The following RDH12 variants were observed in gnomAD, a reference collection of about 807,000 sequenced individuals.
RDH12 encodes the protein retinol dehydrogenase 12, also known as all-trans and 9-cis retinol dehydrogenase.
RDH12 carries 21 observed loss-of-function variants against 34.0 expected under a neutral mutation model. The ratio of observed to expected loss-of-function variants is 0.62; its 90% CI spans 0.44 to 0.89. RDH12 has a LOEUF of 0.89. Among genes scored for constraint, RDH12 ranks in the 40% least tolerant of loss-of-function variants. RDH12 has a pLI of 0.00. For synonymous variants in RDH12, 198 were observed against 169.9 expected (o/e 1.17, Z -1.29); for missense variants, 394 against 398.6 (o/e 0.99, Z 0.10).
intron 8 of RDH12, among the ~76,000 whole-genome samples, chr14:67,730,058 T>C (rs2038249412): frequency 6.6e-6 from 1 of 152,230 alleles, no homozygotes; most frequent in African/African-American, 2.4e-5. Context: ...GGATAAGTGA[T>C]AATAGCTAAT....
At chr14:67,721,222 C>T (rs757627178) in intron 2 of RDH12, among the ~76,000 whole-genome samples, 13 of 152,138 alleles carry the variant, frequency 8.5e-5, no homozygotes, top group South Asian at 8.3e-4. Context: ...TGTCCCAGCT[C>T]CTTGTCTATT....
At chr14:67,704,979 G>A (rs544022113) in intron 1 of RDH12, among the ~76,000 whole-genome samples, 1 of 152,342 alleles carries the variant, frequency 6.6e-6, no homozygotes, top group African/African-American at 2.4e-5. Flanking sequence ...TTGGAAGCAG[G>A]TCTAGGTAGT....
At chr14:67,703,016 C>T (rs1449290296) in intron 1 of RDH12, among the ~76,000 whole-genome samples, 1 of 152,018 alleles carries the variant, frequency 6.6e-6, no homozygotes. Flanking sequence ...GTCAGAGTCT[C>T]ACTATGTTGC....
intron 8 of RDH12, chr14:67,729,914 A>G (rs1163926699): frequency 4.6e-6 from 2 of 430,138 alleles, no homozygotes; most frequent in Non-Finnish European, 9.2e-6. Context: ...CCCAGGGTGA[A>G]ATCTCTTTCC....
rs1566849516 is a variant in RDH12, at chr14:67,729,318, G to GCA, written c.787_788dup (p.Gln263HisfsTer16). ...TTGTCAAGACGGCACGGGAGGGGGC[G>GCA]CAGACCAGCCTGCACTGCGCCCTGG... On this transcript the variant is annotated frameshift_variant, in exon 8 of 9. Transcript: ENST00000551171. LOFTEE classifies it high-confidence loss of function. 6.2e-7 allele frequency: 1 copy of GCA among 1,600,328 alleles called. No homozygotes were observed. Among genetic ancestry groups the GCA allele is most frequent in the East Asian group, 2.2e-5 (1 of 44,874 alleles).
chr14:67,719,342 C>T (rs1399501706), intron 1 of RDH12, among the ~76,000 whole-genome samples: 1 of 152,276 alleles, frequency 6.6e-6, no homozygotes, highest in Middle Eastern at 3.4e-3. Context: ...GAGTGCCTCA[C>T]GATAAGATTC....
chr14:67,711,324 T>G (rs2038007002), intron 1 of RDH12, among the ~76,000 whole-genome samples: 1 of 152,244 alleles, frequency 6.6e-6, no homozygotes, highest in Non-Finnish European at 1.5e-5. Context: ...TTGGCAGTAA[T>G]AAGTATGAAA....
chr14:67,723,472 C>T (rs1005744463), intron 3 of RDH12, among the ~76,000 whole-genome samples: 13 of 152,146 alleles, frequency 8.5e-5, no homozygotes, highest in Admixed American at 2.6e-4. Context: ...TGGGCTTAAG[C>T]GACCATCCCA....
chr14:67,708,283 A>G (rs1349138764), intron 1 of RDH12, among the ~76,000 whole-genome samples: 4 of 152,228 alleles, frequency 2.6e-5, no homozygotes, highest in East Asian at 1.9e-4. Flanking sequence ...TTAGTCTTCT[A>G]TCAGTTTAGT....
chr14:67,727,049 G>A lies in RDH12; in HGVS notation c.517G>A (p.Val173Met), dbSNP rs376053811. ...KVSAPARVVNVSSVAHHIGKI... is the reference protein window; with the variant it reads ...KVSAPARVVNMSSVAHHIGKI... Reference sequence around the variant, plus strand: ...GTCTGCCCCTGCACGGGTGGTTAATGTGTCCTCGGTGGCTCACCACATTGG... The same window carrying A: ...GTCTGCCCCTGCACGGGTGGTTAATATGTCCTCGGTGGCTCACCACATTGG... Residue 173 changes from valine to methionine, a missense_variant, in exon 7 of 9, where the codon GTG (valine) becomes ATG (methionine). Coordinates refer to ENST00000551171, the MANE Select transcript of RDH12 (RefSeq NM_152443.3). 16 of 1,613,874 alleles carry A rather than the reference G, an allele frequency of 9.9e-6. No individual in the cohort carries two copies. The highest frequency in any genetic ancestry group is 8.0e-5 in the African/African-American group (6 of 74,922).
intron 8 of RDH12, among the ~76,000 whole-genome samples, chr14:67,732,277 A>C (rs1260549467): frequency 6.6e-6 from 1 of 151,974 alleles, no homozygotes; most frequent in East Asian, 1.9e-4. Context: ...ATCTCTACTA[A>C]AAATCAAAAA....
intron 1 of RDH12, among the ~76,000 whole-genome samples, chr14:67,720,294 T>C (rs2038109776): frequency 6.6e-6 from 1 of 152,222 alleles, no homozygotes; most frequent in Non-Finnish European, 1.5e-5. Context: ...TAGTCTCTTG[T>C]CTTCAAAGCC....
chr14:67,718,576 T>C, intron 1 of RDH12, among the ~76,000 whole-genome samples: 1 of 152,174 alleles, frequency 6.6e-6, no homozygotes, highest in East Asian at 1.9e-4. Context: ...TCACTCACGG[T>C]GAGGCTAGAA....
intron 1 of RDH12, among the ~76,000 whole-genome samples, chr14:67,719,596 T>C (rs1441904169): frequency 6.6e-6 from 1 of 152,086 alleles, no homozygotes; most frequent in Non-Finnish European, 1.5e-5. Context: ...TGCCTCAGCC[T>C]CCCAAGTAGC....
intron 1 of RDH12, among the ~76,000 whole-genome samples, chr14:67,707,629 A>G (rs180688012): frequency 2.2e-4 from 33 of 152,276 alleles, no homozygotes; most frequent in African/African-American, 7.5e-4. Context: ...GGATTTCACC[A>G]TGTTGGCCAG....
Position 67,722,602 on chromosome 14 carries a change from G to T in RDH12, c.-41G>T. 3 of 1,570,788 alleles carry T rather than the reference G, an allele frequency of 1.9e-6. No individual in the cohort carries two copies. The highest frequency in any genetic ancestry group is 2.6e-6 in the Non-Finnish European group (3 of 1,140,518). ...TGAGCCAGAGCTGGGGTTGAAGCTG[G>T]AGCAGCAGCAAAAGCAACAGCAGCT... is the stretch of plus-strand genomic sequence containing the variant. On this transcript the variant is annotated 5_prime_UTR_variant, in exon 3 of 9. Transcript: ENST00000551171.
At position 67,729,313 on chromosome 14, in the gene RDH12, G is replaced by C. The variant is rs2140150918; in HGVS notation, c.781G>C (p.Gly261Arg). Residue 261 changes from glycine to arginine, a missense_variant, in exon 8 of 9, where the codon GGG (glycine) becomes CGG (arginine). Physicochemically the swap from Gly to Arg is moderately radical, Grantham distance 125. Transcript: ENST00000551171. ...CCCCTTTGTCAAGACGGCACGGGAGGGGGCGCAGACCAGCCTGCACTGCGC... is the reference window on the plus strand; with the variant it reads ...CCCCTTTGTCAAGACGGCACGGGAGCGGGCGCAGACCAGCCTGCACTGCGC... ...FSPFVKTARE[G>R]AQTSLHCALA... is the part of the protein sequence containing the mutation. 6.2e-7 allele frequency: 1 copy of C among 1,600,970 alleles called. No individual in the cohort carries two copies. The highest frequency in any genetic ancestry group is 2.2e-5 in the East Asian group (1 of 44,882).
intron 1 of RDH12, among the ~76,000 whole-genome samples, chr14:67,713,134 A>G (rs982524230): frequency 1.3e-5 from 2 of 152,150 alleles, no homozygotes; most frequent in Non-Finnish European, 2.9e-5. Flanking sequence ...AGCAGAAATT[A>G]AAACCAGCTT....
At position 67,734,044 on chromosome 14, in the gene RDH12, G is replaced by T; in HGVS notation, c.*196G>T. 1 of 514,040 alleles carries T rather than the reference G, an allele frequency of 1.9e-6. No individual in the cohort carries two copies. Among genetic ancestry groups the T allele is most frequent in the Non-Finnish European group, 3.7e-6 (1 of 271,910 alleles). 31.8% of individuals were successfully genotyped at this position (514,040 alleles called of 1,614,324 possible). A position where few individuals can be genotyped will look rare whatever the true frequency, so the allele number is the denominator to read the frequency against. On this transcript the variant is annotated 3_prime_UTR_variant, in exon 9 of 9. Transcript: ENST00000551171. ...GAGACTGGCTTATGGCATGAGTTGT[G>T]GACACCTATAGAGTGTTCTTCTCTA... is the stretch of plus-strand genomic sequence containing the variant.
Sources: gnomAD v4.1 joint callset for allele counts (sites outside exome capture counted in the v4.1 genomes callset) on GRCh38, gnomAD v4.1.1 for gene constraint, MANE v1.5 for transcripts, NCBI Gene and HGNC (gene_info 2026-07-23, HGNC 2026-07-21) for gene names.